Variants in OXR1 observed in about 807,000 individuals in gnomAD.
OXR1 encodes the protein oxidation resistance protein 1.
In OXR1, 41 loss-of-function variants were observed where a neutral mutation model predicts 104.6. The ratio of observed to expected loss-of-function variants is 0.39; its 90% CI spans 0.31 to 0.51. The LOEUF is 0.51. Among genes scored for constraint, OXR1 ranks in the 20% least tolerant of loss-of-function variants. The probability of loss-of-function intolerance (pLI) is 0.77; values close to 1 mark genes in which losing one functional copy is unlikely to be tolerated. For missense variants in OXR1, 955 were observed against 1,031.9 expected (o/e 0.93, Z 1.02); for synonymous variants, 348 against 348.4 (o/e 1.00, Z 0.01).
intron 1 of OXR1, among the ~76,000 whole-genome samples, chr8:106,315,424 C>T (rs934803136): frequency 1.3e-5 from 2 of 152,064 alleles, no homozygotes; most frequent in African/African-American, 2.4e-5. Context: ...GATAAAATAT[C>T]CTAGACCTTC....
chr8:106,411,834 G>A (rs10109171), intron 2 of OXR1, among the ~76,000 whole-genome samples: 57,366 of 151,990 alleles, frequency 0.38, 12,168 homozygotes, highest in East Asian at 0.69. Context: ...AGGACTGAGT[G>A]AGTGCTAGGC....
At chr8:106,325,242 G>A (rs574345943) in intron 1 of OXR1, among the ~76,000 whole-genome samples, 1 of 152,158 alleles carries the variant, frequency 6.6e-6, no homozygotes, top group African/African-American at 2.4e-5. Flanking sequence ...AACATATTCT[G>A]CTAACAGTAT....
In OXR1 at chr8:106,491,114, C is replaced by T. The variant is rs140714925; in HGVS notation, c.24-27829C>T. ...GACGCTCCGCTCAATATGCAGGCAT[C>T]CTGATTTCTACTGACTTGCAATGTG... is the stretch of plus-strand genomic sequence containing the variant. On this transcript the variant is annotated intron_variant, in intron 2 of 16. Coordinates refer to ENST00000517566, the MANE Select transcript of OXR1 (RefSeq NM_001198533.2). Among the ~76,000 whole-genome samples, 400 of 152,286 alleles carry T rather than the reference C, an allele frequency of 2.6e-3. 1 individual carries two copies. Among genetic ancestry groups the T allele is most frequent in the African/African-American group, 9.1e-3 (379 of 41,550 alleles).
intron 3 of OXR1, among the ~76,000 whole-genome samples, chr8:106,618,673 T>C (rs775890668): frequency 2.0e-5 from 3 of 152,232 alleles, no homozygotes; most frequent in Non-Finnish European, 4.4e-5. Flanking sequence ...ACTCGGGTAA[T>C]GGCAGTGATC....
chr8:106,388,777 T>A (rs1228284499), intron 2 of OXR1, among the ~76,000 whole-genome samples: 2 of 152,230 alleles, frequency 1.3e-5, no homozygotes, highest in Non-Finnish European at 2.9e-5. Flanking sequence ...TTCTACCATT[T>A]TACTATCTTG....
At chr8:106,288,323 C>T (rs1030449843) in intron 1 of OXR1, among the ~76,000 whole-genome samples, 1 of 152,106 alleles carries the variant, frequency 6.6e-6, no homozygotes, top group Admixed American at 6.6e-5. Context: ...CTGTTATTTA[C>T]AGTACAGACT....
chr8:106,410,148 T>C (rs1225988641), intron 2 of OXR1, among the ~76,000 whole-genome samples: 1 of 152,198 alleles, frequency 6.6e-6, no homozygotes, highest in Non-Finnish European at 1.5e-5. Flanking sequence ...CATTTGCACT[T>C]GGCCTCATCC....
intron 1 of OXR1, among the ~76,000 whole-genome samples, chr8:106,350,246 G>A (rs977544508): frequency 6.6e-5 from 10 of 152,098 alleles, no homozygotes; most frequent in Admixed American, 1.3e-4. Flanking sequence ...TGAATGAAAT[G>A]ATCTTTTTTC....
intron 2 of OXR1, among the ~76,000 whole-genome samples, chr8:106,422,507 CTTAT>C (rs1263448478): frequency 2.1e-5 from 3 of 144,042 alleles, no homozygotes; most frequent in Non-Finnish European, 3.0e-5. Context: ...ATAATATTTG[CTTAT>C]TTAAAGCACT....
At chr8:106,324,648 A>G (rs767177212) in intron 1 of OXR1, among the ~76,000 whole-genome samples, 1 of 151,384 alleles carries the variant, frequency 6.6e-6, no homozygotes, top group Non-Finnish European at 1.5e-5. Flanking sequence ...TAGAGCACCT[A>G]GTGCCCTCCA....
chr8:106,360,337 TTACAG>T (rs1486839052), intron 2 of OXR1, among the ~76,000 whole-genome samples: 1 of 152,182 alleles, frequency 6.6e-6, no homozygotes, highest in Non-Finnish European at 1.5e-5. Flanking sequence ...TTATATAAAT[TTACAG>T]TATTCAATAC....
chr8:106,569,589 G>A (rs555690281), intron 3 of OXR1, among the ~76,000 whole-genome samples: 6 of 152,252 alleles, frequency 3.9e-5, no homozygotes, highest in African/African-American at 1.2e-4. Flanking sequence ...ATAACCCAGC[G>A]AAGATGCAGT....
intron 3 of OXR1, among the ~76,000 whole-genome samples, chr8:106,639,242 T>C (rs1460792269): frequency 6.6e-6 from 1 of 152,200 alleles, no homozygotes; most frequent in Non-Finnish European, 1.5e-5. Flanking sequence ...TTCAGTCTGA[T>C]TGTGCGGCAC....
In OXR1 at chr8:106,415,778, T is replaced by C. The variant is rs543059422; in HGVS notation, c.23+56142T>C. Reference sequence around the variant, plus strand: ...GCATTCCAATATTATTTTGAACTTATATAATTTATTTATTATAGTAAGCCT... The same window carrying C: ...GCATTCCAATATTATTTTGAACTTACATAATTTATTTATTATAGTAAGCCT... On this transcript the variant is annotated intron_variant, in intron 2 of 16. Coordinates refer to ENST00000517566, the MANE Select transcript of OXR1 (RefSeq NM_001198533.2). Among the ~76,000 whole-genome samples the C allele has an allele frequency of 2.7e-4, 41 of 152,298 alleles. 1 individual carries two copies. In the South Asian group the frequency reaches 8.5e-3, roughly 32 times the overall value.
chr8:106,491,046 G>A lies in OXR1; in HGVS notation c.24-27897G>A, dbSNP rs146890580. ...CTGACTAGTGTAATCTCAATCTGGG[G>A]TTATCATTCATTTCCCTCTGCTCTT... On this transcript the variant is annotated intron_variant, in intron 2 of 16. Coordinates refer to ENST00000517566, the MANE Select transcript of OXR1 (RefSeq NM_001198533.2). Among the ~76,000 whole-genome samples the A allele has an allele frequency of 1.4e-3, 206 of 152,262 alleles. 1 individual carries two copies. Among genetic ancestry groups the A allele is most frequent in the African/African-American group, 4.6e-3 (189 of 41,528 alleles).
At chr8:106,292,539 T>G (rs1812798349) in intron 1 of OXR1, among the ~76,000 whole-genome samples, 1 of 152,214 alleles carries the variant, frequency 6.6e-6, no homozygotes, top group Non-Finnish European at 1.5e-5. Context: ...CAATTGGGTT[T>G]GGTACTATCC....
chr8:106,692,002 C>T (rs566425854), intron 6 of OXR1, among the ~76,000 whole-genome samples: 18 of 150,128 alleles, frequency 1.2e-4, no homozygotes, highest in Admixed American at 5.3e-4. Flanking sequence ...CACACACACA[C>T]ACATATATAT....
intron 3 of OXR1, among the ~76,000 whole-genome samples, chr8:106,628,413 G>A (rs868712019): frequency 5.6e-4 from 85 of 152,070 alleles, no homozygotes; most frequent in African/African-American, 1.9e-3. Flanking sequence ...TTTTATAAAT[G>A]AAGAAACAGA....
intron 1 of OXR1, among the ~76,000 whole-genome samples, chr8:106,294,040 A>G (rs989902698): frequency 9.3e-5 from 14 of 149,774 alleles, no homozygotes; most frequent in Middle Eastern, 6.9e-3. Flanking sequence ...TAAAAAGTCA[A>G]TTACTTTGTG....
Sources: allele counts gnomAD v4.1 joint callset (sites outside exome capture counted in the v4.1 genomes callset), GRCh38; gene constraint gnomAD v4.1.1; transcripts MANE v1.5; gene names NCBI Gene and HGNC (gene_info 2026-07-23, HGNC 2026-07-21).